The following OBI1 variants were observed in gnomAD, a reference collection of about 807,000 sequenced individuals.
OBI1 encodes the protein ORC ubiquitin ligase 1.
A neutral mutation model predicts 62.4 loss-of-function variants in OBI1; 59 were observed. The observed-to-expected ratio is 0.95, with a 90% confidence interval of 0.77 to 1.17. The LOEUF (loss-of-function observed/expected upper bound fraction) is 1.17. Ranked by LOEUF, OBI1 falls within the 50% of genes most tolerant of loss-of-function variation. The pLI, the probability that OBI1 is intolerant of heterozygous loss-of-function variation, is 0.00. For synonymous variants in OBI1, 302 were observed against 292.8 expected (o/e 1.03, Z -0.32); for missense variants, 875 against 830.9 (o/e 1.05, Z -0.65).
chr13:78,616,352 C>A lies in OBI1; in HGVS notation c.1409G>T (p.Cys470Phe). Reference protein sequence around the residue: ...SSPKTGFWDCCSTSYAQNLDF... With the variant: ...SSPKTGFWDCFSTSYAQNLDF... ...TAAGTTTTGGGCATAGCTTGTGGAACAACAGTCCCAAAATCCTGTCTTTGG... is the reference window on the plus strand; with the variant it reads ...TAAGTTTTGGGCATAGCTTGTGGAAAAACAGTCCCAAAATCCTGTCTTTGG... The change falls in exon 6 of 6, where the codon TGT becomes TTT. Residue 470 changes from cysteine (C) to phenylalanine (F), a missense_variant. Physicochemically the swap from Cys to Phe is radical, Grantham distance 205. Coordinates refer to ENST00000282003, the MANE Select transcript of OBI1 (RefSeq NM_024546.4). 2 of 1,613,978 alleles carry A rather than the reference C, an allele frequency of 1.2e-6. No individual in the cohort carries two copies. The highest frequency in any genetic ancestry group is 1.7e-6 in the Non-Finnish European group (2 of 1,179,868).
intron 3 of OBI1, among the ~76,000 whole-genome samples, chr13:78,641,531 T>C (rs895926569): frequency 2.0e-5 from 3 of 152,166 alleles, no homozygotes; most frequent in African/African-American, 7.2e-5. Flanking sequence ...TGTATTCTAT[T>C]AGCATGAATT....
At chr13:78,653,137 T>C (rs1037292677) in intron 1 of OBI1, among the ~76,000 whole-genome samples, 3 of 152,202 alleles carry the variant, frequency 2.0e-5, no homozygotes, top group African/African-American at 7.2e-5. Flanking sequence ...CATCCTAGAC[T>C]TACCCACTAG....
rs1376364606 is a variant in OBI1, at chr13:78,642,158, C to T, written c.264G>A (p.Arg88=). ...MLSHTVRKHL[R]KTRLELLHKE... is the part of the protein sequence containing the mutation. ...TGTGTAGTAATTCAAGTCTAGTTTT[C>T]CGAAGATGCTTCCTGACCGTATGGC... is the stretch of plus-strand genomic sequence containing the variant. Residue 88 remains arginine, a synonymous_variant, in exon 3 of 6, where the codon CGG becomes CGA. Transcript: ENST00000282003. 2 of 1,610,032 alleles carry T rather than the reference C, an allele frequency of 1.2e-6. No homozygotes were observed.
Position 78,645,234 on chromosome 13 carries a change from C to T in OBI1, c.73-237G>A, listed in dbSNP as rs908497097. Among the ~76,000 whole-genome samples the T allele has an allele frequency of 4.6e-5, 7 of 151,848 alleles. No homozygotes were observed. The East Asian group carries it at 1.2e-3, about 25-fold the overall frequency. On this transcript the variant is annotated intron_variant, in intron 1 of 5. Coordinates refer to ENST00000282003, the MANE Select transcript of OBI1 (RefSeq NM_024546.4). ...ACTGAAGCTTTTGACATATAAAATG[C>T]TTTATTTTGTACCTAAACCACAGAA...
chr13:78,631,965 T>A (rs1375322776), intron 5 of OBI1, among the ~76,000 whole-genome samples: 1 of 152,238 alleles, frequency 6.6e-6, no homozygotes, highest in East Asian at 1.9e-4. Context: ...CCAATGTAAA[T>A]CTCCTTTGTT....
At chr13:78,633,271 G>A (rs969696856) in intron 5 of OBI1, among the ~76,000 whole-genome samples, 1 of 152,148 alleles carries the variant, frequency 6.6e-6, no homozygotes, top group Non-Finnish European at 1.5e-5. Flanking sequence ...TGAAGTGAAA[G>A]AAAAACGGGG....
chr13:78,640,819 T>C (rs9530804), intron 3 of OBI1, among the ~76,000 whole-genome samples: 146,278 of 152,258 alleles, frequency 0.96, 70,493 homozygotes, highest in East Asian at 1. Flanking sequence ...AAAAGAGGAT[T>C]GTTAGGGTTT....
intron 5 of OBI1, among the ~76,000 whole-genome samples, chr13:78,629,894 C>A (rs1465174854): frequency 6.6e-6 from 1 of 152,116 alleles, no homozygotes; most frequent in Non-Finnish European, 1.5e-5. Context: ...GTAAAAATTA[C>A]ATGGACTTTT....
At chr13:78,619,599 T>TAATA (rs1875445556) in intron 5 of OBI1, among the ~76,000 whole-genome samples, 1 of 152,132 alleles carries the variant, frequency 6.6e-6, no homozygotes, top group Non-Finnish European at 1.5e-5. Context: ...TCTCCCATGC[T>TAATA]AATAAGGGAC....
intron 4 of OBI1, among the ~76,000 whole-genome samples, chr13:78,638,527 C>T (rs529126726): frequency 3.3e-5 from 5 of 152,160 alleles, no homozygotes; most frequent in East Asian, 3.9e-4. Flanking sequence ...ACAAAGAGGA[C>T]GAAACAGAAA....
At chr13:78,633,580 T>C (rs997433816) in intron 5 of OBI1, among the ~76,000 whole-genome samples, 3 of 152,148 alleles carry the variant, frequency 2.0e-5, no homozygotes, top group East Asian at 1.9e-4. Context: ...CTCAGAGAGG[T>C]TGCTGGACAT....
chr13:78,638,730 CTGA>C lies in OBI1; in HGVS notation c.549+90_549+92del, dbSNP rs372177860. The C allele has an allele frequency of 1.8e-4, 203 of 1,143,674 alleles. 2 individuals are homozygous for C. In the East Asian group the frequency reaches 3.2e-3, roughly 18 times the overall value. The allele number at this position is 1,143,674 out of a possible 1,614,324, so 70.8% of individuals were successfully genotyped here. The stretch of plus-strand genomic sequence containing the variant: ...ATTCTGTCCTTTCCTCACAAATCAT[CTGA>C]TGATGAGTCAAGATAATATGGCTAT... On this transcript the variant is annotated intron_variant, in intron 4 of 5. Coordinates refer to ENST00000282003, the MANE Select transcript of OBI1 (RefSeq NM_024546.4).
chr13:78,655,246 G>A (rs1459821724), intron 1 of OBI1, among the ~76,000 whole-genome samples: 1 of 152,086 alleles, frequency 6.6e-6, no homozygotes, highest in Non-Finnish European at 1.5e-5. Context: ...GTTTGTAACA[G>A]CCTGGTGGCA....
At chr13:78,646,073 G>A (rs1051106268) in intron 1 of OBI1, among the ~76,000 whole-genome samples, 13 of 152,232 alleles carry the variant, frequency 8.5e-5, no homozygotes, top group Non-Finnish European at 1.8e-4. Flanking sequence ...TTACAAATAA[G>A]AAAACAAAGG....
In OBI1 at chr13:78,615,446, ACCAT is replaced by A. The variant is rs1875230424; in HGVS notation, c.*130_*133del. The A allele has an allele frequency of 1.6e-6, 1 of 615,646 alleles. No individual in the cohort carries two copies. Among genetic ancestry groups the A allele is most frequent in the Non-Finnish European group, 2.8e-6 (1 of 357,466 alleles). The allele number at this position is 615,646 out of a possible 1,614,324, so 38.1% of individuals were successfully genotyped here. A position where few individuals can be genotyped will look rare whatever the true frequency, so the allele number is the denominator to read the frequency against. On this transcript the variant is annotated 3_prime_UTR_variant, in exon 6 of 6. Transcript: ENST00000282003. ...AAGTATTCTGGGTACAGGTTAATCC[ACCAT>A]CCTGACTTGATACTTGACTAAAGAT...
intron 1 of OBI1, among the ~76,000 whole-genome samples, chr13:78,658,262 A>G (rs910293025): frequency 2.6e-5 from 4 of 152,216 alleles, no homozygotes; most frequent in African/African-American, 9.6e-5. Context: ...TCTATTCGGT[A>G]AAGAAATGCT....
At chr13:78,627,736 T>C (rs555743981) in intron 5 of OBI1, among the ~76,000 whole-genome samples, 2 of 152,378 alleles carry the variant, frequency 1.3e-5, no homozygotes, top group South Asian at 4.1e-4. Flanking sequence ...GCAATAAACA[T>C]ATGCAAGCAT....
Position 78,657,199 on chromosome 13 carries a change from A to G in OBI1, c.72+1850T>C, listed in dbSNP as rs114222828. On this transcript the variant is annotated intron_variant, in intron 1 of 5. Transcript: ENST00000282003. ...ATGAAGCATGTGCAAAGTTTAGCAT[A>G]AAGTCTGGCACATAAGATTAAGACA... Among the ~76,000 whole-genome samples, 431 of 152,276 alleles carry G rather than the reference A, an allele frequency of 2.8e-3. 2 individuals carry two copies. The highest frequency in any genetic ancestry group is 9.9e-3 in the African/African-American group (413 of 41,572).
intron 3 of OBI1, among the ~76,000 whole-genome samples, chr13:78,641,129 A>T (rs1432259279): frequency 6.6e-6 from 1 of 152,214 alleles, no homozygotes; most frequent in Non-Finnish European, 1.5e-5. Context: ...CTGCTAGAAA[A>T]TAAACCCCCA....
Sources: allele counts gnomAD v4.1 joint callset (sites outside exome capture counted in the v4.1 genomes callset), GRCh38; gene constraint gnomAD v4.1.1; transcripts MANE v1.5; gene names NCBI Gene and HGNC (gene_info 2026-07-23, HGNC 2026-07-21).